RAPGEF5: variants seen among roughly 807,000 people sequenced by gnomAD.
RAPGEF5 encodes the protein M-Ras-regulated GEF.
In RAPGEF5, 65 loss-of-function variants were observed where a neutral mutation model predicts 125.2. That is an observed-to-expected ratio of 0.52 (90% confidence interval 0.43 to 0.64). RAPGEF5 has a LOEUF of 0.64. RAPGEF5 is among the 30% of genes least tolerant of loss of function. The pLI is 0.00. For synonymous variants in RAPGEF5, 391 were observed against 385.9 expected (o/e 1.01, Z -0.16); for missense variants, 958 against 1,048.1 (o/e 0.91, Z 1.19).
At chr7:22,131,734 C>A (rs772940039) in intron 23 of RAPGEF5, among the ~76,000 whole-genome samples, 1 of 152,156 alleles carries the variant, frequency 6.6e-6, no homozygotes, top group Non-Finnish European at 1.5e-5. Flanking sequence ...AATGAAAGTG[C>A]ATTTTCAGAG....
intron 20 of RAPGEF5, 66 bp downstream of exon 20, chr7:22,144,978 G>T: frequency 2.7e-6 from 4 of 1,503,510 alleles, no homozygotes; most frequent in Non-Finnish European, 2.7e-6. Flanking sequence ...AAGAAAGAAA[G>T]AAAGAAGAAC....
At chr7:22,281,280 C>A (rs1782667636) in intron 6 of RAPGEF5, among the ~76,000 whole-genome samples, 1 of 152,212 alleles carries the variant, frequency 6.6e-6, no homozygotes, top group Non-Finnish European at 1.5e-5. Flanking sequence ...GGTACGAGCT[C>A]AGCTCACTGC....
intron 6 of RAPGEF5, among the ~76,000 whole-genome samples, chr7:22,276,140 T>C (rs1259157097): frequency 6.6e-6 from 1 of 152,176 alleles, no homozygotes; most frequent in Non-Finnish European, 1.5e-5. Flanking sequence ...TTTTAATTTT[T>C]GTTGTAATAA....
intron 5 of RAPGEF5, among the ~76,000 whole-genome samples, chr7:22,306,622 T>C (rs1390045813): frequency 2.0e-5 from 3 of 152,204 alleles, no homozygotes; most frequent in Non-Finnish European, 4.4e-5. Flanking sequence ...TTGTGGAGTA[T>C]TGCTCAAGAA....
chr7:22,122,455 C>T lies in RAPGEF5; in HGVS notation c.2603G>A (p.Ser868Asn), dbSNP rs776342045. Residue 868 changes from serine to asparagine, a missense_variant, in exon 26 of 26, where the codon AGC becomes AAC. By Grantham distance (46) the Ser-to-Asn change is conservative. Coordinates refer to ENST00000665637, the MANE Select transcript of RAPGEF5 (RefSeq NM_012294.5). Reference protein sequence around the residue: ...SYVNHLYVIDSQQALFELSHR... With the variant: ...SYVNHLYVIDNQQALFELSHR... Reference sequence around the variant, plus strand: ...TGAGAGCTCAAACAGAGCCTGCTGGCTGTCAATGACATACAGGTGATTAAC... The same window carrying T: ...TGAGAGCTCAAACAGAGCCTGCTGGTTGTCAATGACATACAGGTGATTAAC... 1.2e-6 allele frequency: 2 copies of T among 1,613,946 alleles called. No individual in the cohort carries two copies. The highest frequency in any genetic ancestry group is 1.7e-6 in the Non-Finnish European group (2 of 1,179,858).
At chr7:22,146,181 T>C (rs1299654594) in intron 19 of RAPGEF5, among the ~76,000 whole-genome samples, 2 of 152,188 alleles carry the variant, frequency 1.3e-5, no homozygotes, top group Non-Finnish European at 2.9e-5. Flanking sequence ...AAATTGGGCA[T>C]GAGGTTCCTT....
intron 7 of RAPGEF5, among the ~76,000 whole-genome samples, chr7:22,249,532 G>A (rs962564620): frequency 3.9e-5 from 6 of 152,074 alleles, no homozygotes; most frequent in Non-Finnish European, 2.9e-5. Context: ...AAAAAGAAAA[G>A]CCTTGACAAG....
At chr7:22,181,996 T>G (rs1784688835) in intron 11 of RAPGEF5, among the ~76,000 whole-genome samples, 1 of 152,156 alleles carries the variant, frequency 6.6e-6, no homozygotes, top group Non-Finnish European at 1.5e-5. Context: ...GAAGCAATAA[T>G]TGATTGAAAC....
At chr7:22,305,663 CG>C (rs1368660969) in intron 5 of RAPGEF5, among the ~76,000 whole-genome samples, 6 of 152,266 alleles carry the variant, frequency 3.9e-5, no homozygotes, top group Non-Finnish European at 7.4e-5. Context: ...TTCTTTCTAA[CG>C]TTTTTTTGGT....
chr7:22,348,279 A>T (rs1473728144), intron 1 of RAPGEF5, among the ~76,000 whole-genome samples: 1 of 152,258 alleles, frequency 6.6e-6, no homozygotes, highest in African/African-American at 2.4e-5. Flanking sequence ...ATCATAGTGC[A>T]TTAAAAGGTA....
At chr7:22,230,183 C>A (rs1360802140) in intron 8 of RAPGEF5, among the ~76,000 whole-genome samples, 3 of 152,126 alleles carry the variant, frequency 2.0e-5, no homozygotes, top group Non-Finnish European at 4.4e-5. Flanking sequence ...TGGAAGCCTG[C>A]AGTATAATTT....
Position 22,193,436 on chromosome 7 carries a change from T to G in RAPGEF5, c.1135A>C (p.Thr379Pro). The change falls in exon 11 of 26, where the codon ACC (threonine) becomes CCC (proline). Residue 379 changes from threonine (T) to proline (P), a missense_variant. Physicochemically the swap from Thr to Pro is conservative, Grantham distance 38. Coordinates refer to ENST00000665637, the MANE Select transcript of RAPGEF5 (RefSeq NM_012294.5). Reference sequence around the variant, plus strand: ...AGGTGCTCCAAAATCTTCTCCGGGGTCCCGGACACCACCACATATCTGTCA... The same window carrying G: ...AGGTGCTCCAAAATCTTCTCCGGGGGCCCGGACACCACCACATATCTGTCA... ...SHWRYVVVSG[T>P]PEKILEHLLN... 1 of 1,594,062 alleles carries G rather than the reference T, an allele frequency of 6.3e-7. No individual in the cohort carries two copies. The highest frequency in any genetic ancestry group is 8.5e-7 in the Non-Finnish European group (1 of 1,169,666).
At chr7:22,221,247 T>C (rs980917841) in intron 8 of RAPGEF5, among the ~76,000 whole-genome samples, 5 of 152,164 alleles carry the variant, frequency 3.3e-5, no homozygotes, top group African/African-American at 1.2e-4. Flanking sequence ...GGACCTAAGT[T>C]TATCTTAAGA....
intron 11 of RAPGEF5, among the ~76,000 whole-genome samples, chr7:22,169,239 A>C (rs1784266693): frequency 6.6e-6 from 1 of 152,174 alleles, no homozygotes; most frequent in Non-Finnish European, 1.5e-5. Flanking sequence ...TGTTTATGGA[A>C]GTTTCAAATA....
At chr7:22,229,632 G>C (rs1246337514) in intron 8 of RAPGEF5, among the ~76,000 whole-genome samples, 1 of 152,050 alleles carries the variant, frequency 6.6e-6, no homozygotes, top group Non-Finnish European at 1.5e-5. Flanking sequence ...TTTTCTTTAA[G>C]CTCACCTCGC....
chr7:22,221,882 A>G (rs1477759114), intron 8 of RAPGEF5, among the ~76,000 whole-genome samples: 1 of 152,168 alleles, frequency 6.6e-6, no homozygotes, highest in African/African-American at 2.4e-5. Flanking sequence ...TCATTCACTC[A>G]ACAGAGTAAA....
At chr7:22,279,533 A>G (rs879587860) in intron 6 of RAPGEF5, among the ~76,000 whole-genome samples, 1 of 152,186 alleles carries the variant, frequency 6.6e-6, no homozygotes, top group Admixed American at 6.5e-5. Flanking sequence ...ACCCAAAGTC[A>G]AGAACAATTG....
chr7:22,332,266 T>G (rs1180592499), intron 1 of RAPGEF5, among the ~76,000 whole-genome samples: 1 of 152,226 alleles, frequency 6.6e-6, no homozygotes, highest in African/African-American at 2.4e-5. Flanking sequence ...TAAATTGCTG[T>G]GCCTCCACGC....
At chr7:22,304,163 T>C (rs1238912119) in intron 5 of RAPGEF5, among the ~76,000 whole-genome samples, 4 of 151,994 alleles carry the variant, frequency 2.6e-5, no homozygotes, top group African/African-American at 9.7e-5. Flanking sequence ...AGTTGGCTTA[T>C]GATGGTAGTA....
Sources: allele counts gnomAD v4.1 joint callset (sites outside exome capture counted in the v4.1 genomes callset), GRCh38; gene constraint gnomAD v4.1.1; transcripts MANE v1.5; gene names NCBI Gene and HGNC (gene_info 2026-07-23, HGNC 2026-07-21).